TK1: variants seen among roughly 807,000 people sequenced by gnomAD.
The protein encoded by TK1 is thymidine kinase, cytosolic.
A neutral mutation model predicts 22.4 loss-of-function variants in TK1; 13 were observed. That is an observed-to-expected ratio of 0.58 (90% confidence interval 0.38 to 0.92). The LOEUF is 0.92. Among genes scored for constraint, TK1 ranks in the 40% least tolerant of loss-of-function variants. The pLI is 0.00. For synonymous variants in TK1, 134 were observed against 125.4 expected (o/e 1.07, Z -0.46); for missense variants, 251 against 315.7 (o/e 0.80, Z 1.55).
Position 78,186,959 on chromosome 17 carries a change from G to T in TK1, c.36C>A (p.Gly12=). Residue 12 remains glycine, a synonymous_variant, in exon 1 of 7, where the codon GGC becomes GGA. Transcript: ENST00000301634. The part of the protein sequence containing the change: ...SCINLPTVLP[G]SPSKTRGQIQ... ...TCTGCCCCCGGGTCTTGCTGGGGGA[G>T]CCAGGCAGCACAGTGGGCAGGTTAA... 6.3e-7 allele frequency: 1 copy of T among 1,575,836 alleles called. No individual in the cohort carries two copies. The highest frequency in any genetic ancestry group is 8.6e-7 in the Non-Finnish European group (1 of 1,161,118).
chr17:78,186,740 C>T lies in TK1; in HGVS notation c.98+47G>A, dbSNP rs199634439. On this transcript the variant is annotated intron_variant, in intron 2 of 6. Coordinates refer to ENST00000301634, the MANE Select transcript of TK1 (RefSeq NM_003258.5). ...GAGGGGAGGGACGGGACAAGGGGTC[C>T]CCGGAGAAGAGGAAGGAGCTCCACC... The T allele has an allele frequency of 6.3e-4, 974 of 1,548,974 alleles. 7 individuals carry two copies. In the African/African-American group the frequency reaches 0.012, roughly 18 times the overall value.
intron 4 of TK1, 142 bp from the exon 5 acceptor site, chr17:78,175,760 A>T (rs562908581): frequency 7.4e-6 from 5 of 677,402 alleles, no homozygotes; most frequent in Non-Finnish European, 1.2e-5. Context: ...GAGGCTCCCC[A>T]GGCCGGGGGA....
chr17:78,180,417 C>T (rs1464442647), intron 4 of TK1, among the ~76,000 whole-genome samples: 1 of 152,186 alleles, frequency 6.6e-6, no homozygotes, highest in Non-Finnish European at 1.5e-5. Context: ...TCTGCTAAAC[C>T]CCTTGGAGAG....
intron 4 of TK1, chr17:78,179,097 G>A (rs758834086): frequency 1.4e-4 from 130 of 934,894 alleles, no homozygotes; most frequent in Non-Finnish European, 1.5e-4. Context: ...TTTCTGCCTC[G>A]GGGGTCTGGG....
rs561570584 is a variant in TK1, at chr17:78,175,580, G to A, written c.342C>T (p.Asn114=). 53 of 1,613,702 alleles carry A rather than the reference G, an allele frequency of 3.3e-5. No individual in the cohort carries two copies. In the East Asian group the frequency reaches 4.0e-4, roughly 12 times the overall value. The part of the protein sequence containing the change: ...DIVEFCEAMA[N]AGKTVIVAAL... ...CAGCCACAATTACGGTCTTCCCGGCGTTGGCCATGGCCTCGCAGAACTCCA... is the reference window on the plus strand; with the variant it reads ...CAGCCACAATTACGGTCTTCCCGGCATTGGCCATGGCCTCGCAGAACTCCA... Residue 114 remains asparagine (N), a synonymous_variant, in exon 5 of 7, where the codon AAC becomes AAT. Transcript: ENST00000301634.
At chr17:78,184,435 G>A (rs939913336) in intron 3 of TK1, among the ~76,000 whole-genome samples, 3 of 152,180 alleles carry the variant, frequency 2.0e-5, no homozygotes, top group African/African-American at 7.2e-5. Context: ...GAAACATCAG[G>A]CCCACATCTG....
intron 2 of TK1, 47 bp from the exon 3 acceptor site, chr17:78,185,212 G>A (rs1237493387): frequency 3.4e-5 from 50 of 1,479,928 alleles, no homozygotes; most frequent in Non-Finnish European, 4.6e-5. Flanking sequence ...GGGAGGAGTG[G>A]GAGAAGGAGA....
At chr17:78,181,672 A>G (rs1461722392) in intron 4 of TK1, among the ~76,000 whole-genome samples, 1 of 152,102 alleles carries the variant, frequency 6.6e-6, no homozygotes, top group Non-Finnish European at 1.5e-5. Context: ...TGCAAAAACT[A>G]CTAAAAAAGG....
Position 78,175,045 on chromosome 17 carries a change from G to A in TK1, c.513+5C>T. On this transcript the variant is annotated splice_donor_5th_base_variant and intron_variant, in intron 6 of 6. Transcript: ENST00000301634. ...CCGGCCTGCAGGGAAGGCAGGTGGAGCTACCTCCTTCTCTGTGCCGAGCCT... is the reference window on the plus strand; with the variant it reads ...CCGGCCTGCAGGGAAGGCAGGTGGAACTACCTCCTTCTCTGTGCCGAGCCT... The A allele has an allele frequency of 3.1e-6, 5 of 1,613,224 alleles. No homozygotes were observed. The highest frequency in any genetic ancestry group is 4.2e-6 in the Non-Finnish European group (5 of 1,179,530).
chr17:78,182,350 A>G (rs1231841601), intron 4 of TK1, among the ~76,000 whole-genome samples: 1 of 150,944 alleles, frequency 6.6e-6, no homozygotes, highest in African/African-American at 2.4e-5. Context: ...CGGCCTGGGC[A>G]ACAAGAGCAA....
rs780493346 is a variant in TK1, at chr17:78,185,149, G to T, written c.115C>A (p.Arg39Ser). 8 of 1,612,264 alleles carry T rather than the reference G, an allele frequency of 5.0e-6. No individual in the cohort carries two copies. The East Asian group carries it at 1.8e-4, about 36-fold the overall frequency. ...FSGKSTELMR[R>S]VRRFQIAQYK... ...TGAGCAATCTGGAAGCGACGGACGC[G>T]TCTCATCAACTCTGTGCTGCAAGAG... The change falls in exon 3 of 7, where the codon CGC becomes AGC. Residue 39 changes from arginine to serine, a missense_variant. Physicochemically the swap from Arg to Ser is moderately radical, Grantham distance 110. Coordinates refer to ENST00000301634, the MANE Select transcript of TK1 (RefSeq NM_003258.5).
chr17:78,184,207 C>T (rs1224666372), intron 3 of TK1, among the ~76,000 whole-genome samples: 1 of 152,262 alleles, frequency 6.6e-6, no homozygotes, highest in East Asian at 1.9e-4. Context: ...CCCAAGCACC[C>T]TCCACTCCAC....
At chr17:78,175,397 C>T in intron 5 of TK1, 132 bp downstream of exon 5, 2 of 1,103,882 alleles carry the variant, frequency 1.8e-6, no homozygotes, top group Non-Finnish European at 2.6e-6. Flanking sequence ...TTGGCTCAGC[C>T]AAGGCCTGAG....
chr17:78,179,721 G>C (rs1301290368), intron 4 of TK1: 1 of 985,322 alleles, frequency 1.0e-6, no homozygotes, highest in African/African-American at 1.7e-5. Context: ...GGCGGGTAGA[G>C]ACCTCGAAGC....
chr17:78,184,089 G>A lies in TK1; in HGVS notation c.209+966C>T, dbSNP rs532721771. On this transcript the variant is annotated intron_variant, in intron 3 of 6. Transcript: ENST00000301634. ...ACCAGGTGTAACACCACCCTGTGCC[G>A]TGGACATCGCATCTTAGGAATGAGG... 5.9e-5 allele frequency among the ~76,000 whole-genome samples: 9 copies of A among 152,364 alleles called. No individual in the cohort carries two copies. In the South Asian group the frequency reaches 1.0e-3, roughly 18 times the overall value.
intron 4 of TK1, chr17:78,179,177 T>A: frequency 1.0e-6 from 1 of 985,334 alleles, no homozygotes; most frequent in Non-Finnish European, 1.2e-6. Flanking sequence ...CAGCGGCAGG[T>A]CTGAAGGAGG....
chr17:78,186,879 A>G, intron 1 of TK1, 50 bp downstream of exon 1: 1 of 1,566,424 alleles, frequency 6.4e-7, no homozygotes, highest in Non-Finnish European at 8.7e-7. Flanking sequence ...GACACAGGCT[A>G]TCACCACGAC....
At position 78,174,546 on chromosome 17, in the gene TK1, C is replaced by T; in HGVS notation, c.*213G>A. On this transcript the variant is annotated 3_prime_UTR_variant, in exon 7 of 7. Coordinates refer to ENST00000301634, the MANE Select transcript of TK1 (RefSeq NM_003258.5). ...GCTCCAGCCTGGGCGATCGTCCCAG[C>T]AGCTGAGAGGGAAGCTTTAAGCAGA... 3.4e-6 allele frequency: 2 copies of T among 596,564 alleles called. No homozygotes were observed. The highest frequency in any genetic ancestry group is 2.9e-6 in the Non-Finnish European group (1 of 347,866). The allele number at this position is 596,564 out of a possible 1,614,324, so 37.0% of individuals were successfully genotyped here.
chr17:78,177,871 G>A (rs2075712212), intron 4 of TK1, among the ~76,000 whole-genome samples: 1 of 148,410 alleles, frequency 6.7e-6, no homozygotes, highest in African/African-American at 2.5e-5. Context: ...ACTGCGCCTG[G>A]CTTTGTCTAT....
Sources: gnomAD v4.1 joint callset for allele counts (sites outside exome capture counted in the v4.1 genomes callset) on GRCh38, gnomAD v4.1.1 for gene constraint, MANE v1.5 for transcripts, NCBI Gene and HGNC (gene_info 2026-07-23, HGNC 2026-07-21) for gene names.